Variants in OTOA observed in about 807,000 individuals in gnomAD.
OTOA encodes the protein cancer/testis antigen 108.
In OTOA, 70 loss-of-function variants were observed where a neutral mutation model predicts 110.8. That is an observed-to-expected ratio of 0.63 (90% confidence interval 0.52 to 0.77). The LOEUF (loss-of-function observed/expected upper bound fraction) is 0.77. OTOA is among the 30% of genes least tolerant of loss of function. The pLI is 0.00. For missense variants in OTOA, 917 were observed against 1,075.8 expected (o/e 0.85, Z 2.06); for synonymous variants, 373 against 431.5 (o/e 0.86, Z 1.68).
chr16:21,736,657 C>A (rs544326295), intron 22 of OTOA, among the ~76,000 whole-genome samples: 1 of 152,062 alleles, frequency 6.6e-6, no homozygotes, highest in African/African-American at 2.4e-5. Context: ...ATGGCGAAAC[C>A]CTGTCTCTAC....
At chr16:21,731,550 G>A (rs1448156956) in intron 21 of OTOA, among the ~76,000 whole-genome samples, 1 of 152,190 alleles carries the variant, frequency 6.6e-6, no homozygotes, top group Non-Finnish European at 1.5e-5. Context: ...TACCATGAAG[G>A]TATGAAACTA....
At chr16:21,672,733 A>C (rs1966851017) in intron 1 of OTOA, among the ~76,000 whole-genome samples, 1 of 152,148 alleles carries the variant, frequency 6.6e-6, no homozygotes, top group South Asian at 2.1e-4. Context: ...TAGCATGTCT[A>C]CCATCTCAAA....
At chr16:21,716,745 T>C (rs1262016677) in intron 14 of OTOA, among the ~76,000 whole-genome samples, 162 bp from the exon 15 acceptor site, 2 of 152,066 alleles carry the variant, frequency 1.3e-5, no homozygotes, top group African/African-American at 4.8e-5. Flanking sequence ...ACTTTAAGTC[T>C]CTGTTTCCTC....
intron 9 of OTOA, among the ~76,000 whole-genome samples, chr16:21,694,692 G>A (rs916327586): frequency 9.2e-5 from 14 of 152,144 alleles, no homozygotes; most frequent in African/African-American, 2.9e-4. Context: ...GCCCTGAGAT[G>A]GGAATGAGCT....
At chr16:21,707,852 T>A (rs1238642195) in intron 12 of OTOA, among the ~76,000 whole-genome samples, 1 of 139,472 alleles carries the variant, frequency 7.2e-6, no homozygotes, top group African/African-American at 2.6e-5. Flanking sequence ...TGGAGTGCGG[T>A]AGCACGATCT....
intron 28 of OTOA, among the ~76,000 whole-genome samples, chr16:21,759,196 C>G (rs1900090796): frequency 6.6e-6 from 1 of 152,006 alleles, no homozygotes; most frequent in African/African-American, 2.4e-5. Flanking sequence ...CCCCAGCCAC[C>G]CTGTTCCCTC....
intron 8 of OTOA, among the ~76,000 whole-genome samples, chr16:21,688,639 C>T (rs952819066): frequency 3.9e-5 from 6 of 152,036 alleles, no homozygotes; most frequent in African/African-American, 4.8e-5. Flanking sequence ...GGTGAGGGCT[C>T]GCTTTCTGGT....
chr16:21,711,670 T>G (rs1284479954), intron 13 of OTOA, among the ~76,000 whole-genome samples: 1 of 152,146 alleles, frequency 6.6e-6, no homozygotes, highest in South Asian at 2.1e-4. Context: ...GGTTTCGCCA[T>G]GTTGGCCAGG....
intron 9 of OTOA, among the ~76,000 whole-genome samples, chr16:21,692,408 C>T (rs531513116): frequency 6.6e-6 from 1 of 151,922 alleles, no homozygotes; most frequent in South Asian, 2.1e-4. Flanking sequence ...TAACTCTGAG[C>T]GTCCTGGCTA....
rs1358547221 is a variant in OTOA, at chr16:21,685,312, A to C, written c.350A>C (p.Gln117Pro). ...LEDLRKTDAQ[Q>P]FRTAMKCLLE... ...GACCTGAGGAAGACAGACGCCCAGC[A>C]GTTCCGCACTGCCATGAAATGCCTC... is the stretch of plus-strand genomic sequence containing the variant. The change falls in exon 7 of 29, where the codon CAG becomes CCG. Residue 117 changes from glutamine (Q) to proline (P), a missense_variant. Around this residue, in one of 6 missense-constraint regions of OTOA, gnomAD observed 840 missense variants for 910.2 expected, o/e 0.92. Coordinates refer to ENST00000646100, the MANE Select transcript of OTOA (RefSeq NM_144672.4). 1 of 1,613,280 alleles carries C rather than the reference A, an allele frequency of 6.2e-7. No homozygotes were observed. The highest frequency in any genetic ancestry group is 8.5e-7 in the Non-Finnish European group (1 of 1,179,422).
chr16:21,716,326 C>T (rs1165893415), intron 14 of OTOA, among the ~76,000 whole-genome samples: 1 of 152,106 alleles, frequency 6.6e-6, no homozygotes, highest in Non-Finnish European at 1.5e-5. Context: ...AATCGCAGCA[C>T]TTTGGTAGGC....
At chr16:21,703,525 T>A (rs1042417428) in intron 11 of OTOA, among the ~76,000 whole-genome samples, 2 of 152,174 alleles carry the variant, frequency 1.3e-5, no homozygotes, top group African/African-American at 4.8e-5. Flanking sequence ...ATTCATCCAC[T>A]GACGTGTTGG....
intron 1 of OTOA, among the ~76,000 whole-genome samples, chr16:21,669,458 G>C (rs747013932): frequency 6.6e-5 from 10 of 152,136 alleles, no homozygotes; most frequent in African/African-American, 1.9e-4. Flanking sequence ...TAACCTGCAG[G>C]CTCAAACATC....
At chr16:21,688,828 T>G (rs1392974870) in intron 8 of OTOA, among the ~76,000 whole-genome samples, 1 of 152,182 alleles carries the variant, frequency 6.6e-6, no homozygotes, top group East Asian at 1.9e-4. Context: ...TTTCAACACA[T>G]GAAATTTGGG....
chr16:21,756,336 G>A (rs1030511709), intron 27 of OTOA, among the ~76,000 whole-genome samples: 1 of 152,026 alleles, frequency 6.6e-6, no homozygotes, highest in Non-Finnish European at 1.5e-5. Flanking sequence ...CCTCCATGGA[G>A]CCCTCACAGA....
intron 6 of OTOA, among the ~76,000 whole-genome samples, chr16:21,684,976 T>G (rs1006681222): frequency 6.6e-6 from 1 of 152,036 alleles, no homozygotes; most frequent in Admixed American, 6.6e-5. Context: ...GGTCTTGATC[T>G]CTTCACCTCG....
At chr16:21,667,166 G>C (rs535095483) in intron 1 of OTOA, among the ~76,000 whole-genome samples, 36 of 152,280 alleles carry the variant, frequency 2.4e-4, no homozygotes, top group Non-Finnish European at 3.8e-4. Flanking sequence ...AAGTGCTTTG[G>C]GATCAGGTTT....
At chr16:21,732,432 A>C (rs1899145484) in intron 21 of OTOA, among the ~76,000 whole-genome samples, 1 of 152,042 alleles carries the variant, frequency 6.6e-6, no homozygotes, top group Admixed American at 6.6e-5. Flanking sequence ...TGGTGCACCC[A>C]TCACCTGAAC....
At chr16:21,685,075 A>G (rs565042807) in intron 6 of OTOA, among the ~76,000 whole-genome samples, 155 bp from the exon 7 acceptor site, 20 of 152,184 alleles carry the variant, frequency 1.3e-4, no homozygotes, top group African/African-American at 4.3e-4. Flanking sequence ...TTGGCGGCTA[A>G]TGAGGAAATT....
Sources: gnomAD v4.1 joint callset for allele counts (sites outside exome capture counted in the v4.1 genomes callset) on GRCh38, gnomAD v4.1.1 for gene constraint, gnomAD v4.1.1 regional missense constraint, MANE v1.5 for transcripts, NCBI Gene and HGNC (gene_info 2026-07-23, HGNC 2026-07-21) for gene names.